Variants in CYFIP1 observed in about 807,000 individuals in gnomAD.
CYFIP1 encodes the protein cytoplasmic FMR1 interacting protein 1, also known as cytoplasmic FMR1-interacting protein 1.
A neutral mutation model predicts 163.5 loss-of-function variants in CYFIP1; 58 were observed. That is an observed-to-expected ratio of 0.35 (90% CI 0.29 to 0.44). CYFIP1 has a LOEUF of 0.44. CYFIP1 is among the 20% of genes least tolerant of loss of function. CYFIP1 has a pLI of 1.00. For synonymous variants in CYFIP1, 663 were observed against 660.7 expected (o/e 1.00, Z -0.05); for missense variants, 1,338 against 1,653.8 (o/e 0.81, Z 3.31).
chr15:22,900,289 C>A (rs1595549428), intron 22 of CYFIP1, among the ~76,000 whole-genome samples: 2 of 152,078 alleles, frequency 1.3e-5, no homozygotes, highest in African/African-American at 4.8e-5. Context: ...GAACTGAGGT[C>A]ACCGCCAGAA....
intron 17 of CYFIP1, 124 bp downstream of exon 17, chr15:22,914,602 G>C (rs2060905756): frequency 1.0e-6 from 1 of 989,444 alleles, no homozygotes; most frequent in Non-Finnish European, 1.4e-6. Context: ...TTGCTATTTT[G>C]CCCAGGCCCA....
chr15:22,899,904 C>T (rs1267763067), intron 22 of CYFIP1, among the ~76,000 whole-genome samples: 6 of 152,138 alleles, frequency 3.9e-5, no homozygotes, highest in Non-Finnish European at 5.9e-5. Flanking sequence ...AAAAATTAGC[C>T]GGGCATGGTG....
chr15:22,887,911 G>A (rs1306096754), intron 23 of CYFIP1, among the ~76,000 whole-genome samples: 1 of 152,136 alleles, frequency 6.6e-6, no homozygotes, highest in Non-Finnish European at 1.5e-5. Flanking sequence ...AGAGAAGGTG[G>A]GTCACAGCAC....
chr15:22,895,858 G>T (rs753471557), intron 22 of CYFIP1, among the ~76,000 whole-genome samples: 1 of 152,194 alleles, frequency 6.6e-6, no homozygotes, highest in Non-Finnish European at 1.5e-5. Context: ...GTACCCTGAG[G>T]AGCGTCCCAC....
At chr15:22,946,302 C>CA (rs113634313) in intron 3 of CYFIP1, among the ~76,000 whole-genome samples, 2,603 of 131,384 alleles carry the variant, frequency 0.02, 68 homozygotes, top group African/African-American at 0.067. Context: ...GAGACCATCT[C>CA]AAAAAAAAAA....
At chr15:22,907,329 TCACAGGGGTGCCAGCGTTGG>T (rs766901694) in intron 21 of CYFIP1, among the ~76,000 whole-genome samples, 47 of 152,276 alleles carry the variant, frequency 3.1e-4, no homozygotes, top group Non-Finnish European at 5.6e-4. Flanking sequence ...ATTGCCTGAC[TCACAGGGGTGCCAGCGTTGG>T]CACAGGGGTG....
At chr15:22,887,083 C>T (rs1179812067) in intron 23 of CYFIP1, among the ~76,000 whole-genome samples, 2 of 152,140 alleles carry the variant, frequency 1.3e-5, no homozygotes, top group African/African-American at 4.8e-5. Context: ...TTAATACAGC[C>T]ACTCCTGCTT....
intron 1 of CYFIP1, among the ~76,000 whole-genome samples, chr15:22,959,992 G>C (rs572625437): frequency 2.3e-4 from 35 of 152,330 alleles, no homozygotes; most frequent in African/African-American, 7.2e-4. Flanking sequence ...GCCTGGCCCT[G>C]CCAGGGTCTG....
chr15:22,881,888 G>C lies in CYFIP1; in HGVS notation c.2869C>G (p.Pro957Ala), dbSNP rs752213092. 1.9e-6 allele frequency: 3 copies of C among 1,612,484 alleles called. No individual in the cohort carries two copies. In the Admixed American group the frequency reaches 5.0e-5, roughly 27 times the overall value. The change falls in exon 25 of 31, where the codon CCC (proline) becomes GCC (alanine). Residue 957 changes from proline (P) to alanine (A), a missense_variant. Around this residue, in one of 4 missense-constraint regions of CYFIP1, gnomAD observed 824 missense variants for 995.7 expected, o/e 0.83. Coordinates refer to ENST00000617928, the MANE Select transcript of CYFIP1 (RefSeq NM_014608.6). The part of the protein sequence containing the change: ...QYVKTLMEVM[P>A]KICRLPRHEY... The stretch of plus-strand genomic sequence containing the variant: ...TGCCGGGGCAGGCGGCAGATCTTGG[G>C]CATCACCTCCATCAGCGTCTTCACG...
intron 1 of CYFIP1, among the ~76,000 whole-genome samples, chr15:22,974,584 A>G (rs2063205878): frequency 6.6e-6 from 1 of 152,080 alleles, no homozygotes; most frequent in Non-Finnish European, 1.5e-5. Flanking sequence ...CAAAAAAATT[A>G]GTCAGGCTTG....
At chr15:22,883,727 G>C (rs1424393609) in intron 23 of CYFIP1, among the ~76,000 whole-genome samples, 2 of 147,562 alleles carry the variant, frequency 1.4e-5, no homozygotes, top group Non-Finnish European at 3.0e-5. Context: ...TGAGGCAGGA[G>C]AATGGCATGA....
In CYFIP1 at chr15:22,914,334, T is replaced by G. The variant is rs574302495; in HGVS notation, c.1985+392A>C. ...AAAGTAGGAACGTGACTGGTTCTAG[T>G]GCCTGAGCTCTCAATTCCAGTCTGA... On this transcript the variant is annotated intron_variant, in intron 17 of 30. Transcript: ENST00000617928. Among the ~76,000 whole-genome samples the G allele has an allele frequency of 4.6e-5, 7 of 152,214 alleles. No homozygotes were observed. In the South Asian group the frequency reaches 1.5e-3, roughly 32 times the overall value.
Position 22,968,842 on chromosome 15 carries a change from C to T in CYFIP1, c.-7+11445G>A, listed in dbSNP as rs550935418. On this transcript the variant is annotated intron_variant, in intron 1 of 30. Transcript: ENST00000617928. The stretch of plus-strand genomic sequence containing the variant: ...TGAGTCCAGGTGGTGTTAAGGCTCA[C>T]TGGTTTCGTGGAGACTGGTCCTTCT... Among the ~76,000 whole-genome samples the T allele has an allele frequency of 2.6e-3, 398 of 152,306 alleles. 1 individual carries two copies. The highest frequency in any genetic ancestry group is 9.0e-3 in the African/African-American group (373 of 41,558).
intron 25 of CYFIP1, among the ~76,000 whole-genome samples, chr15:22,881,286 A>G (rs2059753840): frequency 6.6e-6 from 1 of 152,242 alleles, no homozygotes; most frequent in African/African-American, 2.4e-5. Context: ...CGGCCAGGTA[A>G]GAGACTAAAA....
intron 23 of CYFIP1, among the ~76,000 whole-genome samples, chr15:22,891,293 T>TG (rs1462357983): frequency 6.6e-6 from 1 of 151,994 alleles, no homozygotes; most frequent in African/African-American, 2.4e-5. Context: ...GGCATGGTGT[T>TG]GCACACCTGT....
chr15:22,958,790 C>A (rs1012152897), intron 1 of CYFIP1, among the ~76,000 whole-genome samples: 6 of 152,226 alleles, frequency 3.9e-5, no homozygotes, highest in African/African-American at 1.4e-4. Flanking sequence ...GGTTTTCAAA[C>A]CATGCGCCAT....
intron 9 of CYFIP1, among the ~76,000 whole-genome samples, chr15:22,935,600 C>G (rs572353469): frequency 1.2e-4 from 19 of 152,170 alleles, no homozygotes; most frequent in Admixed American, 6.5e-5. Context: ...ATGACACCAT[C>G]GAGAACGCGA....
chr15:22,934,485 CTTTTTTTTTTTTT>C (rs35881374), intron 9 of CYFIP1, among the ~76,000 whole-genome samples: 7 of 49,798 alleles, frequency 1.4e-4, no homozygotes, highest in African/African-American at 2.5e-4. Flanking sequence ...GCACCCAGCC[CTTTTTTTTTTTTT>C]TTTTTTTTTT....
chr15:22,944,544 A>G lies in CYFIP1; in HGVS notation c.387+14T>C. On this transcript the variant is annotated intron_variant, in intron 5 of 30. Transcript: ENST00000617928. ...CTCGGTGTTACACCCCCCCCAGATT[A>G]TTTGCCATTTTACCTGGAAGTACAT... 6 of 1,570,170 alleles carry G rather than the reference A, an allele frequency of 3.8e-6. No individual in the cohort carries two copies. The highest frequency in any genetic ancestry group is 5.3e-6 in the Non-Finnish European group (6 of 1,141,688).
Sources: gnomAD v4.1 joint callset for allele counts (sites outside exome capture counted in the v4.1 genomes callset) on GRCh38, gnomAD v4.1.1 for gene constraint, gnomAD v4.1.1 regional missense constraint, MANE v1.5 for transcripts, NCBI Gene and HGNC (gene_info 2026-07-23, HGNC 2026-07-21) for gene names.